HFM1: variants seen among roughly 807,000 people sequenced by gnomAD.
HFM1 encodes the protein helicase for meiosis 1, also known as probable ATP-dependent DNA helicase HFM1.
A neutral mutation model predicts 192.1 loss-of-function variants in HFM1; 169 were observed. The ratio of observed to expected loss-of-function variants is 0.88; its 90% CI spans 0.78 to 1.00. The LOEUF (loss-of-function observed/expected upper bound fraction) is 1.00, where lower values mean the gene tolerates loss of function less well. HFM1 is among the 50% of genes least tolerant of loss of function. The probability of loss-of-function intolerance (pLI) is 0.00; values close to 1 mark genes in which losing one functional copy is unlikely to be tolerated. For synonymous variants in HFM1, 525 were observed against 537.8 expected, an observed-to-expected ratio of 0.98 and a Z score of 0.33; for missense variants, 1,661 against 1,668.0, an observed-to-expected ratio of 1.00 and a Z score of 0.07.
rs753142445 is a variant in HFM1, at chr1:91,380,135, T to C, written c.975A>G (p.Pro325=). The change falls in exon 8 of 39, where the codon CCA becomes CCG. Residue 325 remains proline, a synonymous_variant. Coordinates refer to ENST00000370425, the MANE Select transcript of HFM1 (RefSeq NM_001017975.6). The part of the protein sequence containing the change: ...LAITRLLMEV[P]LPWLNIKIVY... ...CAATTTTAATATTCAACCATGGCAA[T>C]GGTACTTCCATTAACAATCTTGTTA... is the stretch of plus-strand genomic sequence containing the variant. 1.0e-5 allele frequency: 15 copies of C among 1,452,722 alleles called. No homozygotes were observed. The highest frequency in any genetic ancestry group is 1.4e-5 in the Non-Finnish European group (15 of 1,054,640). The allele number at this position is 1,452,722 out of a possible 1,614,324, so 90.0% of individuals were successfully genotyped here. A position where few individuals can be genotyped will look rare whatever the true frequency, so the allele number is the denominator to read the frequency against.
At chr1:91,382,865 G>T (rs1461909405) in intron 6 of HFM1, among the ~76,000 whole-genome samples, 1 of 152,084 alleles carries the variant, frequency 6.6e-6, no homozygotes, top group East Asian at 1.9e-4. Flanking sequence ...TAAACTCTCA[G>T]CAGTGTCACT....
chr1:91,330,269 A>G (rs1320333814), intron 20 of HFM1, among the ~76,000 whole-genome samples: 3 of 152,182 alleles, frequency 2.0e-5, no homozygotes, highest in Non-Finnish European at 4.4e-5. Flanking sequence ...AAAAAGAAGA[A>G]GAAGAAAAAG....
At chr1:91,330,911 T>C (rs1329296918) in intron 20 of HFM1, among the ~76,000 whole-genome samples, 2 of 152,192 alleles carry the variant, frequency 1.3e-5, no homozygotes, top group South Asian at 2.1e-4. Flanking sequence ...TCACAATTGA[T>C]GCTTAAAAAG....
chr1:91,324,296 T>A (rs1448093057), intron 21 of HFM1, among the ~76,000 whole-genome samples: 1 of 152,208 alleles, frequency 6.6e-6, no homozygotes, highest in Non-Finnish European at 1.5e-5. Flanking sequence ...CAACTCACTG[T>A]CCTTCACTCA....
chr1:91,352,975 G>A lies in HFM1; in HGVS notation c.1831+76C>T, dbSNP rs542975798. ...AAGCAGAAACAAGCAGAACACTTGC[G>A]CTTTTTCCTTTTTTCCTCTTAAAAA... On this transcript the variant is annotated intron_variant, in intron 15 of 38. Transcript: ENST00000370425. The A allele has an allele frequency of 5.8e-5, 53 of 905,998 alleles. No individual in the cohort carries two copies. In the African/African-American group the frequency reaches 7.5e-4, roughly 13 times the overall value. The allele number at this position is 905,998 out of a possible 1,614,324, so 56.1% of individuals were successfully genotyped here. A position where few individuals can be genotyped will look rare whatever the true frequency, so the allele number is the denominator to read the frequency against.
intron 13 of HFM1, among the ~76,000 whole-genome samples, chr1:91,361,990 A>G (rs2101834198): frequency 6.6e-6 from 1 of 152,326 alleles, no homozygotes; most frequent in South Asian, 2.1e-4. Context: ...ATACAATTCA[A>G]CACTCCTTCA....
At chr1:91,308,402 C>T (rs189308338) in intron 30 of HFM1, among the ~76,000 whole-genome samples, 9 of 152,170 alleles carry the variant, frequency 5.9e-5, no homozygotes, top group African/African-American at 1.4e-4. Flanking sequence ...TTTCAGATAT[C>T]GCATTTTTAA....
At chr1:91,371,360 A>G (rs1027964463) in intron 13 of HFM1, among the ~76,000 whole-genome samples, 1 of 130,426 alleles carries the variant, frequency 7.7e-6, no homozygotes, top group East Asian at 2.1e-4. Flanking sequence ...GGCTACAGTA[A>G]CCAAAACAGC....
chr1:91,338,255 G>A (rs1465406627), intron 20 of HFM1, among the ~76,000 whole-genome samples: 1 of 152,200 alleles, frequency 6.6e-6, no homozygotes, highest in African/African-American at 2.4e-5. Flanking sequence ...TTTGGCACAG[G>A]AATGGCTACA....
intron 1 of HFM1, among the ~76,000 whole-genome samples, chr1:91,403,772 T>C (rs1011477544): frequency 6.6e-6 from 1 of 152,192 alleles, no homozygotes; most frequent in South Asian, 2.1e-4. Context: ...TCTCTAGTTA[T>C]ATTAATGACA....
intron 20 of HFM1, among the ~76,000 whole-genome samples, chr1:91,329,708 T>TC (rs1295765020): frequency 1.3e-5 from 2 of 152,206 alleles, no homozygotes; most frequent in Non-Finnish European, 2.9e-5. Flanking sequence ...GAGGTACTTT[T>TC]CCTTTTTTAG....
rs1650750141 is a variant in HFM1 at position 91,313,365 on chromosome 1, T to A, written c.3375A>T (p.Ile1125=). 1 of 1,574,452 alleles carries A rather than the reference T, an allele frequency of 6.4e-7. No homozygotes were observed. The highest frequency in any genetic ancestry group is 1.4e-5 in the African/African-American group (1 of 73,822). The change falls in exon 30 of 39, where the codon ATA becomes ATT. Residue 1125 remains isoleucine (I), a synonymous_variant. Transcript: ENST00000370425. ...GCTATTTACCTTTATTAGGTCCTGCTATTGTAGATATGTCTGAATGTTTAG... is the reference window on the plus strand; with the variant it reads ...GCTATTTACCTTTATTAGGTCCTGCAATTGTAGATATGTCTGAATGTTTAG... ...SHSKHSDIST[I]AGPNKGTTAS...
intron 20 of HFM1, chr1:91,328,373 G>A: frequency 1.9e-6 from 3 of 1,569,412 alleles, no homozygotes; most frequent in Non-Finnish European, 1.7e-6. Flanking sequence ...TCCCTCCTCT[G>A]TGTTGCCATG....
At chr1:91,346,279 C>G (rs1170915455) in intron 19 of HFM1, among the ~76,000 whole-genome samples, 1 of 152,148 alleles carries the variant, frequency 6.6e-6, no homozygotes, top group African/African-American at 2.4e-5. Context: ...TTAAAGTTAT[C>G]TGAATATAGC....
rs967690801 is a variant in HFM1 at position 91,280,739 on chromosome 1, C to T, written c.3392-3677G>A. ...TTCACTTCTCAAAAACAAAGCAACC[C>T]ACCACTCATGTTGTCTGTCATCTGA... On this transcript the variant is annotated intron_variant, in intron 30 of 38. Coordinates refer to ENST00000370425, the MANE Select transcript of HFM1 (RefSeq NM_001017975.6). Among the ~76,000 whole-genome samples the T allele has an allele frequency of 6.6e-5, 10 of 152,164 alleles. No individual in the cohort carries two copies. In the East Asian group the frequency reaches 1.3e-3, roughly 20 times the overall value.
At chr1:91,288,251 G>A (rs1015911683) in intron 30 of HFM1, among the ~76,000 whole-genome samples, 18 of 151,762 alleles carry the variant, frequency 1.2e-4, no homozygotes, top group African/African-American at 4.4e-4. Context: ...AAATGTTAAG[G>A]GCAGCCAGAG....
At chr1:91,329,355 A>T in intron 20 of HFM1, 1 of 1,600,054 alleles carries the variant, frequency 6.2e-7, no homozygotes, top group Non-Finnish European at 8.5e-7. Flanking sequence ...TGGGGTCAAG[A>T]GGCTGAGTAA....
intron 25 of HFM1, 57 bp downstream of exon 25, chr1:91,319,021 T>C: frequency 6.7e-7 from 1 of 1,489,776 alleles, no homozygotes; most frequent in Non-Finnish European, 9.0e-7. Context: ...TTACTAACAG[T>C]GAATACAAAA....
At chr1:91,264,393 G>C (rs1357604634) in intron 36 of HFM1, among the ~76,000 whole-genome samples, 1 of 21,492 alleles carries the variant, frequency 4.7e-5, no homozygotes, top group Non-Finnish European at 8.1e-5. Flanking sequence ...TTTTTTTTGA[G>C]ACGGAGTCTC....
Sources: allele counts gnomAD v4.1 joint callset (sites outside exome capture counted in the v4.1 genomes callset), GRCh38; gene constraint gnomAD v4.1.1; transcripts MANE v1.5; gene names NCBI Gene and HGNC (gene_info 2026-07-23, HGNC 2026-07-21).